Variants in ARHGAP18 observed in about 807,000 individuals in gnomAD.
ARHGAP18 encodes rho GTPase-activating protein 18.
Under a neutral mutation model 86.2 loss-of-function variants are expected in ARHGAP18, and 67 were observed. The observed-to-expected ratio is 0.78, with a 90% CI of 0.64 to 0.95. The LOEUF is 0.95. Among genes scored for constraint, ARHGAP18 ranks in the 40% least tolerant of loss-of-function variants. The pLI, the probability that ARHGAP18 is intolerant of heterozygous loss-of-function variation, is 0.00. For synonymous variants in ARHGAP18, 283 were observed against 280.4 expected (o/e 1.01, Z -0.09); for missense variants, 691 against 780.4 (o/e 0.89, Z 1.37).
chr6:129,678,415 G>A (rs573439510), intron 1 of ARHGAP18, among the ~76,000 whole-genome samples: 2 of 151,992 alleles, frequency 1.3e-5, no homozygotes, highest in South Asian at 2.1e-4. Flanking sequence ...CACACTCAAC[G>A]GATGCCTGGC....
intron 1 of ARHGAP18, among the ~76,000 whole-genome samples, chr6:129,644,522 T>A (rs545342488): frequency 6.6e-6 from 1 of 151,982 alleles, no homozygotes. Flanking sequence ...GCATGTCAAA[T>A]AGACAGATGC....
chr6:129,620,657 G>A (rs1014026710), intron 5 of ARHGAP18, among the ~76,000 whole-genome samples: 3 of 152,130 alleles, frequency 2.0e-5, no homozygotes, highest in African/African-American at 4.8e-5. Context: ...CTGATTAGCT[G>A]ATTTTACTGC....
chr6:129,644,900 GAT>G (rs1773547464), intron 1 of ARHGAP18, among the ~76,000 whole-genome samples: 1 of 152,192 alleles, frequency 6.6e-6, no homozygotes, highest in Non-Finnish European at 1.5e-5. Flanking sequence ...GCTTAGTGCT[GAT>G]GAATTGACTC....
intron 1 of ARHGAP18, among the ~76,000 whole-genome samples, chr6:129,648,206 G>C (rs1410939773): frequency 6.6e-6 from 1 of 151,028 alleles, no homozygotes. Flanking sequence ...GGGTCTCGCT[G>C]TGTCTCCCAG....
At chr6:129,704,228 T>A (rs1774766981) in intron 1 of ARHGAP18, among the ~76,000 whole-genome samples, 1 of 152,032 alleles carries the variant, frequency 6.6e-6, no homozygotes, top group African/African-American at 2.4e-5. Context: ...GCGGATCACT[T>A]GAGGTCAGGA....
intron 1 of ARHGAP18, among the ~76,000 whole-genome samples, chr6:129,661,021 TAAA>T (rs34750408): frequency 8.2e-6 from 1 of 121,618 alleles, no homozygotes; most frequent in African/African-American, 3.0e-5. Flanking sequence ...ACAAAACCTT[TAAA>T]AAAAAAAAAA....
At chr6:129,647,054 C>T (rs1773594959) in intron 1 of ARHGAP18, among the ~76,000 whole-genome samples, 1 of 152,068 alleles carries the variant, frequency 6.6e-6, no homozygotes, top group Non-Finnish European at 1.5e-5. Context: ...TTGTTTAGTT[C>T]TGTATCTTTT....
At chr6:129,642,193 T>C (rs1055666136) in intron 1 of ARHGAP18, among the ~76,000 whole-genome samples, 175 bp from the exon 2 acceptor site, 25 of 152,218 alleles carry the variant, frequency 1.6e-4, no homozygotes, top group Admixed American at 1.6e-3. Context: ...GCTTGTAGAA[T>C]AAACAGTTTC....
intron 7 of ARHGAP18, among the ~76,000 whole-genome samples, chr6:129,612,013 T>G (rs949295372): frequency 2.6e-5 from 4 of 152,238 alleles, no homozygotes; most frequent in Admixed American, 1.3e-4. Context: ...TTTAGCTTGT[T>G]CCAAGAAAGA....
At position 129,591,141 on chromosome 6, in the gene ARHGAP18, C is replaced by T. The variant is rs1415835096; in HGVS notation, c.1714-7029G>A. On this transcript the variant is annotated intron_variant, in intron 12 of 14. Coordinates refer to ENST00000368149, the MANE Select transcript of ARHGAP18 (RefSeq NM_033515.3). ...ATTAAGTACTAGAATCATGCTGTAT[C>T]GAATACTGAAGTTATTACTATACTA... Among the ~76,000 whole-genome samples, 5 of 152,226 alleles carry T rather than the reference C, an allele frequency of 3.3e-5. No individual in the cohort carries two copies. The East Asian group carries it at 9.6e-4, about 29-fold the overall frequency.
intron 2 of ARHGAP18, among the ~76,000 whole-genome samples, chr6:129,641,204 A>T (rs779681493): frequency 1.2e-4 from 19 of 152,138 alleles, no homozygotes; most frequent in Non-Finnish European, 2.1e-4. Context: ...GTCTTTGAAA[A>T]CCACCCACAA....
intron 5 of ARHGAP18, among the ~76,000 whole-genome samples, chr6:129,625,569 CATT>C (rs1282071196): frequency 9.9e-5 from 3 of 30,174 alleles, no homozygotes; most frequent in African/African-American, 2.0e-4. Context: ...TATTATATAT[CATT>C]ATACATTATA....
intron 1 of ARHGAP18, among the ~76,000 whole-genome samples, chr6:129,670,893 A>G (rs897161476): frequency 1.4e-4 from 21 of 152,126 alleles, no homozygotes; most frequent in African/African-American, 5.1e-4. Context: ...AGTCCCAAGA[A>G]GTAGCTGACT....
chr6:129,646,560 T>G (rs764765567), intron 1 of ARHGAP18, among the ~76,000 whole-genome samples: 2 of 152,188 alleles, frequency 1.3e-5, no homozygotes, highest in Non-Finnish European at 2.9e-5. Flanking sequence ...AACAAAATAT[T>G]TTAAATGCTA....
At chr6:129,668,886 C>T (rs2114525795) in intron 1 of ARHGAP18, among the ~76,000 whole-genome samples, 1 of 152,352 alleles carries the variant, frequency 6.6e-6, no homozygotes, top group African/African-American at 2.4e-5. Flanking sequence ...GTCCAACAAC[C>T]TTGCTGCTGA....
Position 129,638,636 on chromosome 6 carries a change from C to A in ARHGAP18, c.317-7G>T. 6.2e-7 allele frequency: 1 copy of A among 1,608,218 alleles called. No homozygotes were observed. The highest frequency in any genetic ancestry group is 8.5e-7 in the Non-Finnish European group (1 of 1,177,616). On this transcript the variant is annotated splice_region_variant and splice_polypyrimidine_tract_variant and intron_variant, in intron 2 of 14. Coordinates refer to ENST00000368149, the MANE Select transcript of ARHGAP18 (RefSeq NM_033515.3). Reference sequence around the variant, plus strand: ...TCTTCTTCCAATTCTCCCTCTAAGACAGTAGAGAAAAGTGGTACTTAAATC... The same window carrying A: ...TCTTCTTCCAATTCTCCCTCTAAGAAAGTAGAGAAAAGTGGTACTTAAATC...
At chr6:129,670,451 T>C (rs1052709422) in intron 1 of ARHGAP18, among the ~76,000 whole-genome samples, 6 of 152,172 alleles carry the variant, frequency 3.9e-5, no homozygotes, top group African/African-American at 1.2e-4. Flanking sequence ...AATGTGCCCA[T>C]TAAAATGAAA....
At chr6:129,706,739 T>C (rs9375658) in intron 1 of ARHGAP18, among the ~76,000 whole-genome samples, 18,964 of 148,830 alleles carry the variant, frequency 0.13, 1,487 homozygotes, top group African/African-American at 0.22. Context: ...ATACAAAAAT[T>C]AGCCAGGGGT....
At chr6:129,627,909 C>A (rs1017450958) in intron 5 of ARHGAP18, among the ~76,000 whole-genome samples, 1 of 152,000 alleles carries the variant, frequency 6.6e-6, no homozygotes, top group African/African-American at 2.4e-5. Flanking sequence ...GTTTTAAAAT[C>A]CCCTCTTTGT....
Sources: allele counts gnomAD v4.1 joint callset (sites outside exome capture counted in the v4.1 genomes callset), GRCh38; gene constraint gnomAD v4.1.1; transcripts MANE v1.5; gene names NCBI Gene and HGNC (gene_info 2026-07-23, HGNC 2026-07-21).